The following CHN1 variants were observed in gnomAD, a reference collection of about 807,000 sequenced individuals.
CHN1 encodes N-chimaerin.
Under a neutral mutation model 59.5 loss-of-function variants are expected in CHN1, and 37 were observed. The ratio of observed to expected loss-of-function variants is 0.62; its 90% confidence interval spans 0.48 to 0.82. The LOEUF is 0.82. Among genes scored for constraint, CHN1 ranks in the 40% least tolerant of loss-of-function variants. The probability of loss-of-function intolerance (pLI) is 0.00; values close to 1 mark genes in which losing one functional copy is unlikely to be tolerated. For missense variants in CHN1, 469 were observed against 571.0 expected, an observed-to-expected ratio of 0.82 and a Z score of 1.82; for synonymous variants, 206 against 200.4, an observed-to-expected ratio of 1.03 and a Z score of -0.24.
At chr2:174,957,450 G>GGC (rs992042793) in intron 1 of CHN1, among the ~76,000 whole-genome samples, 3 of 143,096 alleles carry the variant, frequency 2.1e-5, no homozygotes, top group Non-Finnish European at 4.6e-5. Context: ...GTGTGTTGGG[G>GGC]GGGGGGGCAG....
At chr2:174,940,624 A>G (rs1336173218) in intron 3 of CHN1, among the ~76,000 whole-genome samples, 1 of 151,962 alleles carries the variant, frequency 6.6e-6, no homozygotes, top group Non-Finnish European at 1.5e-5. Flanking sequence ...TTCGTACTTT[A>G]TAACTAGATT....
At chr2:174,968,871 C>T (rs1333030241) in intron 1 of CHN1, among the ~76,000 whole-genome samples, 1 of 152,198 alleles carries the variant, frequency 6.6e-6, no homozygotes. Flanking sequence ...CTGACCTGAA[C>T]GTCAAAGTAA....
chr2:174,954,740 T>C (rs759275557), intron 1 of CHN1, among the ~76,000 whole-genome samples: 4 of 152,084 alleles, frequency 2.6e-5, no homozygotes, highest in Non-Finnish European at 4.4e-5. Flanking sequence ...AACCCCAATA[T>C]GTTAACACCT....
At chr2:174,846,695 G>A (rs1686526859) in intron 7 of CHN1, among the ~76,000 whole-genome samples, 185 bp downstream of exon 7, 2 of 152,110 alleles carry the variant, frequency 1.3e-5, no homozygotes, top group African/African-American at 4.8e-5. Context: ...AAACAGGGTT[G>A]GATTTCTATT....
chr2:175,000,537 G>C (rs1467600014), intron 1 of CHN1, among the ~76,000 whole-genome samples: 1 of 151,868 alleles, frequency 6.6e-6, no homozygotes, highest in African/African-American at 2.4e-5. Context: ...TCTACCTCCT[G>C]GGTTCATGGG....
chr2:174,879,961 A>G (rs1056514535), intron 5 of CHN1, among the ~76,000 whole-genome samples: 2 of 152,242 alleles, frequency 1.3e-5, no homozygotes. Context: ...TTGATTGACT[A>G]GGAACTAGGA....
chr2:174,914,120 T>C (rs1688771416), intron 5 of CHN1, among the ~76,000 whole-genome samples: 3 of 152,242 alleles, frequency 2.0e-5, no homozygotes, highest in Admixed American at 1.3e-4. Flanking sequence ...TCAATCTCCA[T>C]CCAGGTCTTC....
intron 1 of CHN1, among the ~76,000 whole-genome samples, chr2:174,974,714 A>G (rs1690865790): frequency 6.6e-6 from 1 of 152,198 alleles, no homozygotes; most frequent in South Asian, 2.1e-4. Context: ...ATAAAGGTAA[A>G]TAAAATAAAG....
chr2:174,857,625 A>G (rs1686945108), intron 6 of CHN1, among the ~76,000 whole-genome samples: 1 of 152,156 alleles, frequency 6.6e-6, no homozygotes, highest in African/African-American at 2.4e-5. Flanking sequence ...CATTCTTCCT[A>G]GGCTCTTCCT....
intron 7 of CHN1, among the ~76,000 whole-genome samples, chr2:174,839,016 TAAAAA>T (rs780663866): frequency 7.0e-6 from 1 of 142,300 alleles, no homozygotes; most frequent in Admixed American, 7.1e-5. Flanking sequence ...GACTCTGTCT[TAAAAA>T]AAAAAAAAAA....
chr2:174,826,699 T>C (rs1199922511), intron 7 of CHN1, among the ~76,000 whole-genome samples: 1 of 152,238 alleles, frequency 6.6e-6, no homozygotes, highest in East Asian at 1.9e-4. Flanking sequence ...GAACCAATCC[T>C]TTCCCCACCT....
chr2:174,810,793 A>G (rs1251702405), intron 10 of CHN1: 2 of 152,244 alleles, frequency 1.3e-5, no homozygotes, highest in African/African-American at 4.8e-5. Flanking sequence ...GAACTAGAAT[A>G]CGTACTTGCA....
At chr2:174,936,928 T>C (rs1018648922) in intron 3 of CHN1, among the ~76,000 whole-genome samples, 4 of 152,194 alleles carry the variant, frequency 2.6e-5, no homozygotes, top group Non-Finnish European at 4.4e-5. Flanking sequence ...GAAGGATTAT[T>C]TATATCTGAA....
At chr2:174,892,700 A>G (rs1336711756) in intron 5 of CHN1, among the ~76,000 whole-genome samples, 1 of 152,222 alleles carries the variant, frequency 6.6e-6, no homozygotes, top group Non-Finnish European at 1.5e-5. Context: ...GAATATTGAA[A>G]CAGAAATCCT....
At chr2:174,827,614 A>G (rs1392333826) in intron 7 of CHN1, among the ~76,000 whole-genome samples, 1 of 152,176 alleles carries the variant, frequency 6.6e-6, no homozygotes, top group African/African-American at 2.4e-5. Flanking sequence ...GGGGAGTGAC[A>G]CGGTCAAGGG....
rs186821549 is a variant in CHN1, at chr2:174,834,509, C to G, written c.628-9991G>C. Among the ~76,000 whole-genome samples the G allele has an allele frequency of 9.7e-4, 147 of 152,256 alleles. 1 individual carries two copies. Among genetic ancestry groups the G allele is most frequent in the Admixed American group, 9.2e-4 (14 of 15,300 alleles). On this transcript the variant is annotated intron_variant, in intron 7 of 12. Coordinates refer to ENST00000409900, the MANE Select transcript of CHN1 (RefSeq NM_001822.7). The stretch of plus-strand genomic sequence containing the variant: ...AAAAATAAATATTTTCTCTTCATCT[C>G]TGAAAGATATATTTGCTAAATATAG...
chr2:174,892,017 A>G lies in CHN1; in HGVS notation c.261-13889T>C, dbSNP rs540533079. On this transcript the variant is annotated intron_variant, in intron 5 of 12. Transcript: ENST00000409900. ...ATAACCTAAAAATGAATTAATTCAC[A>G]TAAACATATAACCTACCAAGACTGA... Among the ~76,000 whole-genome samples, 3 of 152,342 alleles carry G rather than the reference A, an allele frequency of 2.0e-5. No individual in the cohort carries two copies. In the South Asian group the frequency reaches 6.2e-4, roughly 32 times the overall value.
intron 6 of CHN1, among the ~76,000 whole-genome samples, chr2:174,867,184 G>C (rs1057024609): frequency 6.6e-6 from 1 of 151,498 alleles, no homozygotes; most frequent in African/African-American, 2.4e-5. Context: ...GACCAGCCTG[G>C]GCAACGTGGT....
intron 3 of CHN1, among the ~76,000 whole-genome samples, chr2:174,923,852 A>T (rs1284357848): frequency 6.6e-6 from 1 of 152,232 alleles, no homozygotes; most frequent in Non-Finnish European, 1.5e-5. Context: ...CTTTACCCAA[A>T]ATAATTTTGA....
Sources: gnomAD v4.1 joint callset for allele counts (sites outside exome capture counted in the v4.1 genomes callset) on GRCh38, gnomAD v4.1.1 for gene constraint, MANE v1.5 for transcripts, NCBI Gene and HGNC (gene_info 2026-07-23, HGNC 2026-07-21) for gene names.